The following ME1 variants were observed in gnomAD, a reference collection of about 807,000 sequenced individuals.
ME1 encodes NADP-dependent malic enzyme.
In ME1, 74 loss-of-function variants were observed where a neutral mutation model predicts 66.4. The ratio of observed to expected loss-of-function variants is 1.11; its 90% CI spans 0.92 to 1.35. The LOEUF (loss-of-function observed/expected upper bound fraction) is 1.35, where lower values mean the gene tolerates loss of function less well. ME1 is among the 40% of genes most tolerant of loss of function. The pLI is 0.00. For synonymous variants in ME1, 251 were observed against 235.6 expected (o/e 1.07, Z -0.60); for missense variants, 750 against 694.1 (o/e 1.08, Z -0.90).
At chr6:83,319,980 G>T (rs1268524791) in intron 5 of ME1, among the ~76,000 whole-genome samples, 5 of 152,184 alleles carry the variant, frequency 3.3e-5, no homozygotes, top group Non-Finnish European at 7.3e-5. Flanking sequence ...TTTGCATCTA[G>T]ATCAGATTTA....
intron 5 of ME1, among the ~76,000 whole-genome samples, chr6:83,327,529 G>C (rs925505196): frequency 6.6e-6 from 1 of 152,068 alleles, no homozygotes; most frequent in Admixed American, 6.6e-5. Context: ...CTCCCATAGC[G>C]CTCTCAGGCT....
chr6:83,319,278 A>G (rs1158118384), intron 5 of ME1, among the ~76,000 whole-genome samples: 3 of 151,828 alleles, frequency 2.0e-5, no homozygotes, highest in Non-Finnish European at 2.9e-5. Context: ...CAATGTGCAC[A>G]TGTACCCTAA....
chr6:83,235,552 G>A (rs1790383880), intron 9 of ME1, among the ~76,000 whole-genome samples: 1 of 147,612 alleles, frequency 6.8e-6, no homozygotes, highest in African/African-American at 2.5e-5. Flanking sequence ...CTCACTGCAA[G>A]CTCCACCTCC....
At chr6:83,429,845 C>T (rs1770448009) in intron 1 of ME1, among the ~76,000 whole-genome samples, 1 of 152,042 alleles carries the variant, frequency 6.6e-6, no homozygotes, top group Non-Finnish European at 1.5e-5. Context: ...AAAGAGACAA[C>T]CAAAATAACT....
intron 6 of ME1, 26 bp from the exon 7 acceptor site, chr6:83,253,764 G>C (rs374537814): frequency 7.8e-6 from 9 of 1,150,042 alleles, no homozygotes; most frequent in Non-Finnish European, 1.2e-5. Context: ...ATTCATATTA[G>C]AAGAGGTTAA....
chr6:83,325,813 G>T (rs1768277528), intron 5 of ME1, among the ~76,000 whole-genome samples: 1 of 151,842 alleles, frequency 6.6e-6, no homozygotes, highest in African/African-American at 2.4e-5. Flanking sequence ...TAGATTCAAT[G>T]TTATTCCCAT....
intron 3 of ME1, among the ~76,000 whole-genome samples, chr6:83,355,567 A>G (rs1423374990): frequency 1.3e-5 from 2 of 152,192 alleles, no homozygotes; most frequent in East Asian, 3.9e-4. Context: ...AAGAATTATT[A>G]CTTTTGAAGA....
intron 7 of ME1, among the ~76,000 whole-genome samples, chr6:83,246,406 AGTCTT>A (rs1362515750): frequency 6.6e-6 from 1 of 152,162 alleles, no homozygotes; most frequent in East Asian, 1.9e-4. Context: ...TCTGATGTTT[AGTCTT>A]AACAAATTTT....
chr6:83,379,252 TACA>T (rs1769349798), intron 3 of ME1, among the ~76,000 whole-genome samples: 1 of 152,098 alleles, frequency 6.6e-6, no homozygotes. Context: ...AAAAGAAATC[TACA>T]ACATCAGTAT....
intron 3 of ME1, among the ~76,000 whole-genome samples, chr6:83,391,362 T>C (rs998252572): frequency 2.6e-5 from 4 of 152,156 alleles, no homozygotes; most frequent in Admixed American, 6.5e-5. Flanking sequence ...AGAAGGTCTT[T>C]GTGGCTGTCT....
rs190847828 is a variant in ME1, at chr6:83,348,234, C to T, written c.439-1900G>A. ...TGATTTAAGGTAAAAAAGATAAATA[C>T]TGCAGATAACTATAACTTTGTTTTT... On this transcript the variant is annotated intron_variant, in intron 4 of 13. Coordinates refer to ENST00000369705, the MANE Select transcript of ME1 (RefSeq NM_002395.6). 5.3e-5 allele frequency among the ~76,000 whole-genome samples: 8 copies of T among 152,286 alleles called. No homozygotes were observed. The East Asian group carries it at 1.5e-3, about 29-fold the overall frequency.
At chr6:83,413,887 T>C (rs1375903799) in intron 1 of ME1, among the ~76,000 whole-genome samples, 1 of 152,054 alleles carries the variant, frequency 6.6e-6, no homozygotes, top group Non-Finnish European at 1.5e-5. Context: ...AGCAGAAGGA[T>C]GGCTTGAGCC....
At chr6:83,238,799 A>ATATATATATATAT (rs1554263094) in intron 8 of ME1, among the ~76,000 whole-genome samples, 9,775 of 138,684 alleles carry the variant, frequency 0.07, 476 homozygotes, top group Admixed American at 0.092. Context: ...TTTCTTGAAA[A>ATATATATATATAT]ATATATATAT....
intron 6 of ME1, among the ~76,000 whole-genome samples, chr6:83,279,202 T>A (rs1180144492): frequency 6.6e-6 from 1 of 152,206 alleles, no homozygotes; most frequent in Non-Finnish European, 1.5e-5. Flanking sequence ...GCTTAACTCC[T>A]AGCCAGATAA....
intron 5 of ME1, among the ~76,000 whole-genome samples, chr6:83,324,337 C>G (rs955384365): frequency 1.3e-5 from 2 of 151,238 alleles, no homozygotes; most frequent in African/African-American, 2.4e-5. Context: ...TAACTAAGAT[C>G]AGAGCAGAAC....
chr6:83,407,709 A>G, intron 2 of ME1, 59 bp downstream of exon 2: 1 of 1,416,022 alleles, frequency 7.1e-7, no homozygotes, highest in Non-Finnish European at 9.3e-7. Flanking sequence ...CACCCAATAA[A>G]AAATAAACTA....
chr6:83,328,382 G>T (rs1768341851), intron 5 of ME1, among the ~76,000 whole-genome samples: 1 of 152,084 alleles, frequency 6.6e-6, no homozygotes, highest in Non-Finnish European at 1.5e-5. Flanking sequence ...GTTGATGAGT[G>T]CAGCAAACCA....
intron 12 of ME1, among the ~76,000 whole-genome samples, chr6:83,221,293 G>A (rs1305769323): frequency 4.6e-5 from 7 of 152,184 alleles, no homozygotes; most frequent in African/African-American, 9.6e-5. Context: ...TCATGGCTAC[G>A]GAGAAAGATC....
chr6:83,355,448 A>G lies in ME1; in HGVS notation c.363-3309T>C, dbSNP rs1366921712. Among the ~76,000 whole-genome samples the G allele has an allele frequency of 2.6e-5, 4 of 152,262 alleles. No individual in the cohort carries two copies. In the East Asian group the frequency reaches 7.7e-4, roughly 29 times the overall value. Reference sequence around the variant, plus strand: ...TAAGAGAGACAATGAATTACACCAAAATTAACACCAATTAAATGCCAATGT... The same window carrying G: ...TAAGAGAGACAATGAATTACACCAAGATTAACACCAATTAAATGCCAATGT... On this transcript the variant is annotated intron_variant, in intron 3 of 13. Transcript: ENST00000369705.
Sources: allele counts gnomAD v4.1 joint callset (sites outside exome capture counted in the v4.1 genomes callset), GRCh38; gene constraint gnomAD v4.1.1; transcripts MANE v1.5; gene names NCBI Gene and HGNC (gene_info 2026-07-23, HGNC 2026-07-21).